ANK2: variants seen among roughly 807,000 people sequenced by gnomAD.
ANK2 encodes the protein ankyrin-2.
ANK2 carries 83 observed loss-of-function variants against 360.5 expected under a neutral mutation model. The observed-to-expected ratio is 0.23, with a 90% CI of 0.19 to 0.28. The LOEUF is 0.28. Among genes scored for constraint, ANK2 ranks in the 10% least tolerant of loss-of-function variants. ANK2 has a pLI of 1.00. For missense variants in ANK2, 4,201 were observed against 4,795.7 expected (o/e 0.88, Z 3.66); for synonymous variants, 1,740 against 1,759.5 (o/e 0.99, Z 0.28).
At chr4:113,325,829 C>T (rs942627464) in intron 26 of ANK2, among the ~76,000 whole-genome samples, 2 of 152,124 alleles carry the variant, frequency 1.3e-5, no homozygotes, top group African/African-American at 2.4e-5. Flanking sequence ...CTCACTGTAA[C>T]CTTAAGTGGT....
At position 113,330,477 on chromosome 4, in the gene ANK2, G is replaced by A. The variant is rs753717856; in HGVS notation, c.3125+7G>A. ...CTGGTGCTCAGTTCCTTGGGTAAGGGTTTCTGATAAACCTCCCACTTAGTC... is the reference window on the plus strand; with the variant it reads ...CTGGTGCTCAGTTCCTTGGGTAAGGATTTCTGATAAACCTCCCACTTAGTC... On this transcript the variant is annotated splice_region_variant and intron_variant, in intron 27 of 45. Transcript: ENST00000357077. 1.1e-5 allele frequency: 17 copies of A among 1,613,680 alleles called. No individual in the cohort carries two copies. The highest frequency in any genetic ancestry group is 1.4e-5 in the Non-Finnish European group (16 of 1,179,824).
intron 2 of ANK2, among the ~76,000 whole-genome samples, chr4:112,986,238 AT>A (rs2044830173): frequency 6.6e-6 from 1 of 151,716 alleles, no homozygotes; most frequent in Non-Finnish European, 1.5e-5. Context: ...GAACAGCCAA[AT>A]TTTTTTCTAG....
intron 2 of ANK2, among the ~76,000 whole-genome samples, chr4:112,957,975 G>A (rs2031553245): frequency 6.6e-6 from 1 of 150,982 alleles, no homozygotes; most frequent in African/African-American, 2.4e-5. Flanking sequence ...GGGCAGAGGC[G>A]CTCCCCACGT....
At chr4:112,995,433 G>A (rs1423160627) in intron 2 of ANK2, among the ~76,000 whole-genome samples, 2 of 151,976 alleles carry the variant, frequency 1.3e-5, no homozygotes, top group Non-Finnish European at 2.9e-5. Context: ...CCTTTACTCT[G>A]TTTTTAATAG....
the ANK2 span, among the ~76,000 whole-genome samples, chr4:112,754,111 G>A: frequency 3.6e-5 from 4 of 111,436 alleles, no homozygotes; most frequent in Non-Finnish European, 5.2e-5. Context: ...AAAAAAAAAA[G>A]TATATATATA....
intron 1 of ANK2, among the ~76,000 whole-genome samples, chr4:113,104,145 T>TA (rs2093324084): frequency 6.6e-6 from 1 of 152,210 alleles, no homozygotes; most frequent in Non-Finnish European, 1.5e-5. Context: ...CTACTTAATG[T>TA]TCCTGTTCCT....
chr4:112,757,943 C>T, the ANK2 span, among the ~76,000 whole-genome samples: 1 of 137,754 alleles, frequency 7.3e-6, no homozygotes, highest in African/African-American at 2.5e-5. Flanking sequence ...GCAATGGCGC[C>T]GTCCTGGCCC....
intron 2 of ANK2, 32 bp downstream of exon 2, chr4:113,174,549 C>A (rs755162060): frequency 4.8e-6 from 7 of 1,468,236 alleles, no homozygotes; most frequent in Non-Finnish European, 6.6e-6. Context: ...CTGTGTTGTG[C>A]AACGAAGGAA....
chr4:113,065,870 C>T (rs1027761844), intron 1 of ANK2, among the ~76,000 whole-genome samples: 1 of 152,128 alleles, frequency 6.6e-6, no homozygotes, highest in Non-Finnish European at 1.5e-5. Context: ...CTTGTCGTAC[C>T]GGTGCTCCCA....
chr4:112,803,997 G>T, the ANK2 span, among the ~76,000 whole-genome samples: 84,564 of 150,984 alleles, frequency 0.56, 24,421 homozygotes, highest in East Asian at 0.88. Context: ...AATCATTGAT[G>T]TATGACCAAT....
chr4:112,863,427 G>A (rs1015119088), intron 1 of ANK2, among the ~76,000 whole-genome samples: 1 of 149,776 alleles, frequency 6.7e-6, no homozygotes, highest in Non-Finnish European at 1.5e-5. Context: ...TCAAAGATTA[G>A]ATTTCAGCAT....
In ANK2 at chr4:113,356,295, A is replaced by G; in HGVS notation, c.7677A>G (p.Thr2559=). 2 of 1,614,144 alleles carry G rather than the reference A, an allele frequency of 1.2e-6. No homozygotes were observed. The highest frequency in any genetic ancestry group is 1.7e-6 in the Non-Finnish European group (2 of 1,179,992). ...CACCCAAAACCACAGATGTAAGTAC[A>G]CCAAAACCAGCTGTGATTCATGAAT... The part of the protein sequence containing the change: ...EVTPKTTDVS[T]PKPAVIHECA... The change falls in exon 38 of 46, where the codon ACA becomes ACG. Residue 2559 remains threonine (T), a synonymous_variant. Transcript: ENST00000357077.
At chr4:113,323,638 T>C in intron 26 of ANK2, 1 of 922,610 alleles carries the variant, frequency 1.1e-6, no homozygotes, top group South Asian at 2.9e-5. Context: ...CTCATTTGGA[T>C]TTCCATTTGT....
intron 35 of ANK2, 45 bp from the exon 36 acceptor site, chr4:113,348,227 TCTTC>T (rs774603967): frequency 1.9e-6 from 3 of 1,590,540 alleles, no homozygotes; most frequent in South Asian, 1.1e-5. Context: ...TACTCTCTAC[TCTTC>T]CTTCTCTCTT....
intron 1 of ANK2, among the ~76,000 whole-genome samples, chr4:112,823,606 A>G (rs1191006441): frequency 6.6e-6 from 1 of 152,086 alleles, no homozygotes; most frequent in Non-Finnish European, 1.5e-5. Context: ...AGTAAAGTGA[A>G]TAGCTGCTGT....
At chr4:113,132,237 T>A (rs1209944117) in intron 1 of ANK2, among the ~76,000 whole-genome samples, 1 of 152,190 alleles carries the variant, frequency 6.6e-6, no homozygotes, top group Admixed American at 6.5e-5. Context: ...TGTATATATG[T>A]GGACATATTT....
chr4:113,330,353 G>A lies in ANK2; in HGVS notation c.3008G>A (p.Arg1003Gln), dbSNP rs1297699007. 1 of 1,614,214 alleles carries A rather than the reference G, an allele frequency of 6.2e-7. No homozygotes were observed. The highest frequency in any genetic ancestry group is 8.5e-7 in the Non-Finnish European group (1 of 1,180,040). Residue 1003 changes from arginine (R) to glutamine (Q), a missense_variant, in exon 27 of 46, where the codon CGA (arginine) becomes CAA (glutamine). By Grantham distance (43) the Arg-to-Gln change is conservative (BLOSUM62 1). This residue lies in a region of ANK2 where 1,268 missense variants were observed against 1,650.8 expected (regional missense o/e 0.77). Transcript: ENST00000357077. ...CCTCGGAAATGTACTGCTCCAACGC[G>A]AGTCACCTGCCGACTGGTCAAGCGC... ...IPPRKCTAPT[R>Q]VTCRLVKRHR...
At chr4:112,738,277 T>C in the ANK2 span, among the ~76,000 whole-genome samples, 1 of 151,986 alleles carries the variant, frequency 6.6e-6, no homozygotes, top group African/African-American at 2.4e-5. Flanking sequence ...CCAGGTGTGG[T>C]GGTGGGCACC....
chr4:113,049,003 G>T (rs964696969), upstream of ANK2, among the ~76,000 whole-genome samples: 5 of 151,030 alleles, frequency 3.3e-5, no homozygotes, highest in Non-Finnish European at 5.9e-5. Context: ...AGAAAAGATG[G>T]TTAGGTATCT....
Sources: allele counts gnomAD v4.1 joint callset (sites outside exome capture counted in the v4.1 genomes callset), GRCh38; gene constraint gnomAD v4.1.1; regional missense constraint gnomAD v4.1.1; transcripts MANE v1.5; gene names NCBI Gene and HGNC (gene_info 2026-07-23, HGNC 2026-07-21).